NAV2: variants seen among roughly 807,000 people sequenced by gnomAD.
The protein encoded by NAV2 is helicase, APC down-regulated 1.
Under a neutral mutation model 223.2 loss-of-function variants are expected in NAV2, and 54 were observed. That is an observed-to-expected ratio of 0.24 (90% CI 0.19 to 0.30). The LOEUF is 0.30. Among genes scored for constraint, NAV2 ranks in the 10% least tolerant of loss-of-function variants. The probability of loss-of-function intolerance (pLI) is 1.00; values close to 1 mark genes in which losing one functional copy is unlikely to be tolerated. For missense variants in NAV2, 2,806 were observed against 3,147.5 expected (o/e 0.89, Z 2.60); for synonymous variants, 1,279 against 1,239.3 (o/e 1.03, Z -0.67).
chr11:19,603,409 C>T (rs144557991), intron 1 of NAV2, among the ~76,000 whole-genome samples: 7 of 152,084 alleles, frequency 4.6e-5, no homozygotes, highest in Admixed American at 2.0e-4. Flanking sequence ...AGGTGGATCA[C>T]GAGGTCAGGA....
intron 1 of NAV2, among the ~76,000 whole-genome samples, chr11:19,541,606 A>T (rs2044344627): frequency 6.6e-6 from 1 of 152,152 alleles, no homozygotes; most frequent in African/African-American, 2.4e-5. Flanking sequence ...GGATGTACTC[A>T]CAGCTGAGGC....
intron 29 of NAV2, among the ~76,000 whole-genome samples, chr11:20,094,373 G>A (rs1731361777): frequency 6.6e-6 from 1 of 151,742 alleles, no homozygotes; most frequent in Admixed American, 6.6e-5. Flanking sequence ...GGGACTATAG[G>A]TACCTGCCAC....
At chr11:19,643,484 G>T (rs1214911728) in intron 1 of NAV2, among the ~76,000 whole-genome samples, 1 of 152,090 alleles carries the variant, frequency 6.6e-6, no homozygotes, top group Non-Finnish European at 1.5e-5. Flanking sequence ...TCCCCACAAA[G>T]GACATGAACT....
chr11:20,015,796 A>T (rs2584854), intron 11 of NAV2, among the ~76,000 whole-genome samples: 151,947 of 152,288 alleles, frequency 1, 75,807 homozygotes, highest in Middle Eastern at 1. Context: ...GGTAAATGAC[A>T]GTATCTCAAT....
At chr11:19,919,433 G>A (rs716173) in intron 6 of NAV2, among the ~76,000 whole-genome samples, 50,826 of 151,990 alleles carry the variant, frequency 0.33, 10,487 homozygotes, top group Non-Finnish European at 0.46. Context: ...AGAACTGTGT[G>A]TTTACTGGGC....
intron 10 of NAV2, among the ~76,000 whole-genome samples, chr11:19,954,676 T>C (rs1591404049): frequency 6.6e-6 from 1 of 152,186 alleles, no homozygotes; most frequent in Non-Finnish European, 1.5e-5. Context: ...ATCATTTGCA[T>C]GTATAATACC....
At chr11:20,061,723 T>C (rs1329999222) in intron 19 of NAV2, among the ~76,000 whole-genome samples, 15 of 152,182 alleles carry the variant, frequency 9.9e-5, no homozygotes, top group Admixed American at 9.8e-4. Flanking sequence ...AAATAAAGAA[T>C]CTATATTTTG....
chr11:20,049,145 C>G lies in NAV2; in HGVS notation c.4320C>G (p.Ser1440=). 1 of 1,612,578 alleles carries G rather than the reference C, an allele frequency of 6.2e-7. No individual in the cohort carries two copies. The highest frequency in any genetic ancestry group is 8.5e-7 in the Non-Finnish European group (1 of 1,179,302). The change falls in exon 15 of 38, where the codon TCC becomes TCG. Residue 1440 remains serine (S), a synonymous_variant. Coordinates refer to ENST00000349880, the MANE Select transcript of NAV2 (RefSeq NM_145117.5). ...TGLIASSKDD[S]LTPFVRTNSV... Reference sequence around the variant, plus strand: ...TCATCGCCTCCTCCAAGGACGACTCCTTGACTCCCTTTGTCAGAACTAACA... The same window carrying G: ...TCATCGCCTCCTCCAAGGACGACTCGTTGACTCCCTTTGTCAGAACTAACA...
intron 1 of NAV2, among the ~76,000 whole-genome samples, chr11:19,451,258 A>T (rs1041072022): frequency 2.0e-5 from 3 of 151,920 alleles, no homozygotes; most frequent in African/African-American, 7.3e-5. Flanking sequence ...ACCTCCTCTC[A>T]TTTCTCTGCC....
At chr11:19,997,598 T>C (rs2052035134) in intron 11 of NAV2, among the ~76,000 whole-genome samples, 1 of 152,154 alleles carries the variant, frequency 6.6e-6, no homozygotes, top group African/African-American at 2.4e-5. Context: ...TCAGGAATTA[T>C]CCATATTTCA....
chr11:19,489,793 G>C, intron 1 of NAV2, among the ~76,000 whole-genome samples: 1 of 152,134 alleles, frequency 6.6e-6, no homozygotes, highest in Non-Finnish European at 1.5e-5. Context: ...CCCCCAAACT[G>C]TTTCCTGACT....
At chr11:20,101,586 G>A (rs979915530) in intron 32 of NAV2, among the ~76,000 whole-genome samples, 1 of 152,172 alleles carries the variant, frequency 6.6e-6, no homozygotes, top group Non-Finnish European at 1.5e-5. Context: ...CCTTCTCACA[G>A]CAATACCTTC....
chr11:19,797,208 C>T (rs946994780), intron 1 of NAV2, among the ~76,000 whole-genome samples: 1 of 151,718 alleles, frequency 6.6e-6, no homozygotes, highest in Admixed American at 6.5e-5. Flanking sequence ...GATGAGTCCC[C>T]CCACTTCCCC....
chr11:19,725,450 C>T (rs1322283561), intron 1 of NAV2, among the ~76,000 whole-genome samples: 1 of 152,194 alleles, frequency 6.6e-6, no homozygotes, highest in Non-Finnish European at 1.5e-5. Context: ...TAAAACCCAG[C>T]AAAGACTTGC....
chr11:19,892,705 G>A (rs1434476773), intron 6 of NAV2, 111 bp downstream of exon 6: 1 of 1,182,010 alleles, frequency 8.5e-7, no homozygotes, highest in East Asian at 2.6e-5. Context: ...TCTGTGTTGA[G>A]AATGAGTTAC....
At chr11:19,936,679 T>G (rs1191805930) in intron 7 of NAV2, among the ~76,000 whole-genome samples, 2 of 152,230 alleles carry the variant, frequency 1.3e-5, no homozygotes, top group African/African-American at 4.8e-5. Context: ...TCTTCGGCAC[T>G]GGCTGCAGGA....
At chr11:19,492,051 T>C (rs2042647394) in intron 1 of NAV2, among the ~76,000 whole-genome samples, 1 of 152,174 alleles carries the variant, frequency 6.6e-6, no homozygotes, top group African/African-American at 2.4e-5. Context: ...TATTGATTGA[T>C]TAAGTTTGCC....
intron 11 of NAV2, among the ~76,000 whole-genome samples, chr11:20,008,289 C>T (rs2053258120): frequency 3.3e-5 from 5 of 151,996 alleles, no homozygotes; most frequent in Admixed American, 3.3e-4. Context: ...ATCCATGAGG[C>T]CGAGGTTGCA....
chr11:19,408,085 T>C (rs188422891), intron 1 of NAV2, among the ~76,000 whole-genome samples: 13 of 152,244 alleles, frequency 8.5e-5, no homozygotes, highest in Non-Finnish European at 1.5e-4. Flanking sequence ...CCAATGCCAC[T>C]GTAATGAAGC....
Sources: allele counts gnomAD v4.1 joint callset (sites outside exome capture counted in the v4.1 genomes callset), GRCh38; gene constraint gnomAD v4.1.1; transcripts MANE v1.5; gene names NCBI Gene and HGNC (gene_info 2026-07-23, HGNC 2026-07-21).